Variants in PDGFRA observed in about 807,000 individuals in gnomAD.
PDGFRA encodes platelet-derived growth factor receptor alpha.
In PDGFRA, 25 loss-of-function variants were observed where a neutral mutation model predicts 121.5. The ratio of observed to expected loss-of-function variants is 0.21; its 90% CI spans 0.15 to 0.29. The LOEUF is 0.29. Ranked by LOEUF, PDGFRA falls within the 10% of genes least tolerant of loss-of-function variation. The pLI is 1.00. For synonymous variants in PDGFRA, 463 were observed against 494.8 expected (o/e 0.94, Z 0.85); for missense variants, 1,008 against 1,345.1 (o/e 0.75, Z 3.92).
intron 22 of PDGFRA, 106 bp downstream of exon 22, chr4:54,290,660 G>A: frequency 7.7e-7 from 1 of 1,296,238 alleles, no homozygotes; most frequent in Non-Finnish European, 1.1e-6. Context: ...TGGTAAATAT[G>A]TACTCAGGGA....
chr4:54,229,741 T>C (rs1239316657), intron 1 of PDGFRA: 1 of 162,618 alleles, frequency 6.1e-6, no homozygotes, highest in African/African-American at 2.4e-5. Context: ...AGGTTTCTTT[T>C]GGGAGTGGGG....
At chr4:54,242,685 G>T (rs1009194605) in intron 1 of PDGFRA, among the ~76,000 whole-genome samples, 1 of 151,724 alleles carries the variant, frequency 6.6e-6, no homozygotes, top group African/African-American at 2.4e-5. Context: ...TCTTCTCAGT[G>T]GACTGAATTA....
intron 16 of PDGFRA, among the ~76,000 whole-genome samples, chr4:54,284,542 G>A (rs1724215403): frequency 1.4e-5 from 2 of 141,876 alleles, no homozygotes; most frequent in Admixed American, 7.5e-5. Flanking sequence ...CATGGCCAGA[G>A]CAGGAGCAAG....
rs568949385 is a variant in PDGFRA at position 54,282,570 on chromosome 4, G to T, written c.2323+2088G>T. 3.9e-5 allele frequency among the ~76,000 whole-genome samples: 6 copies of T among 152,292 alleles called. No individual in the cohort carries two copies. In the East Asian group the frequency reaches 1.2e-3, roughly 29 times the overall value. On this transcript the variant is annotated intron_variant, in intron 16 of 22. Transcript: ENST00000257290. ...ACCAGTCCCCACCTCCAATACTGGA[G>T]ATTACAATTCAACATGAGATTTGGG...
intron 1 of PDGFRA, among the ~76,000 whole-genome samples, chr4:54,247,505 G>A (rs1234678276): frequency 6.6e-6 from 1 of 152,052 alleles, no homozygotes. Context: ...AAAGGCCTTT[G>A]ACAAAATTCA....
intron 1 of PDGFRA, 72 bp from the exon 2 acceptor site, chr4:54,258,685 C>A: frequency 1.1e-6 from 1 of 932,780 alleles, no homozygotes; most frequent in Non-Finnish European, 1.8e-6. Context: ...TTGTGCAAAA[C>A]ACAAAGAGAA....
intron 9 of PDGFRA, 139 bp from the exon 10 acceptor site, chr4:54,273,398 T>C (rs1723510762): frequency 2.8e-6 from 2 of 707,960 alleles, no homozygotes; most frequent in Non-Finnish European, 2.5e-6. Context: ...TTCATCTGCA[T>C]GTAAAATAAA....
At chr4:54,271,579 T>C (rs1035648611) in intron 8 of PDGFRA, among the ~76,000 whole-genome samples, 4 of 148,668 alleles carry the variant, frequency 2.7e-5, no homozygotes, top group African/African-American at 9.9e-5. Flanking sequence ...CCTTCCTTCT[T>C]CTCTCCCTCC....
At chr4:54,268,959 G>T (rs564796846) in intron 7 of PDGFRA, among the ~76,000 whole-genome samples, 1 of 152,130 alleles carries the variant, frequency 6.6e-6, no homozygotes, top group Non-Finnish European at 1.5e-5. Context: ...ATGCTTCAAC[G>T]TGGATTTTTT....
chr4:54,231,090 G>C (rs1366008044), intron 1 of PDGFRA, among the ~76,000 whole-genome samples: 1 of 152,190 alleles, frequency 6.6e-6, no homozygotes, highest in Non-Finnish European at 1.5e-5. Flanking sequence ...CAGGCTGTGC[G>C]TTGTGCATCC....
chr4:54,295,604 G>A lies in PDGFRA; in HGVS notation c.*332G>A, dbSNP rs750090756. ...GTCCAACAGACACAATTTATACTGC[G>A]ACAGAACTTCAGCATTGTAATTATG... On this transcript the variant is annotated 3_prime_UTR_variant, in exon 23 of 23. Coordinates refer to ENST00000257290, the MANE Select transcript of PDGFRA (RefSeq NM_006206.6). 3.1e-4 allele frequency: 128 copies of A among 416,002 alleles called. No individual in the cohort carries two copies. Among genetic ancestry groups the A allele is most frequent in the Middle Eastern group, 2.6e-3 (4 of 1,512 alleles). The allele number at this position is 416,002 out of a possible 1,614,324, so 25.8% of individuals were successfully genotyped here. A position where few individuals can be genotyped will look rare whatever the true frequency, so the allele number is the denominator to read the frequency against.
At chr4:54,272,926 T>A (rs1723483719) in intron 9 of PDGFRA, among the ~76,000 whole-genome samples, 1 of 152,216 alleles carries the variant, frequency 6.6e-6, no homozygotes, top group Non-Finnish European at 1.5e-5. Flanking sequence ...CCTTCTTAAA[T>A]GGGCACATGA....
At chr4:54,280,542 T>TA in intron 16 of PDGFRA, 60 bp downstream of exon 16, 7 of 1,382,832 alleles carry the variant, frequency 5.1e-6, no homozygotes, top group South Asian at 2.4e-5. Flanking sequence ...ATATGATACT[T>TA]AAAGTATTTA....
chr4:54,275,003 T>C (rs2110301144), intron 12 of PDGFRA, 30 bp downstream of exon 12: 1 of 1,612,430 alleles, frequency 6.2e-7, no homozygotes. Flanking sequence ...CTCCCAAGAC[T>C]CCCTTTTCCC....
intron 1 of PDGFRA, among the ~76,000 whole-genome samples, chr4:54,240,270 G>T (rs1721230784): frequency 6.6e-6 from 1 of 152,220 alleles, no homozygotes; most frequent in South Asian, 2.1e-4. Flanking sequence ...CAAGACACTT[G>T]GTTTTGAGAG....
chr4:54,232,260 T>A (rs918457641), intron 1 of PDGFRA, among the ~76,000 whole-genome samples: 4 of 152,200 alleles, frequency 2.6e-5, no homozygotes, highest in Non-Finnish European at 5.9e-5. Flanking sequence ...CGGTCTCGCC[T>A]GGGGCGCAAG....
chr4:54,229,549 T>C, intron 1 of PDGFRA, 134 bp downstream of exon 1: 1 of 389,782 alleles, frequency 2.6e-6, no homozygotes, highest in Non-Finnish European at 4.5e-6. Flanking sequence ...CAGTTGTGTG[T>C]CCAGAGAGTA....
At chr4:54,248,446 A>G (rs1721828430) in intron 1 of PDGFRA, among the ~76,000 whole-genome samples, 1 of 152,260 alleles carries the variant, frequency 6.6e-6, no homozygotes, top group Non-Finnish European at 1.5e-5. Flanking sequence ...GACAAACCTG[A>G]GAAAAACAAG....
At chr4:54,277,353 AGTTTTTGG>A in intron 12 of PDGFRA, 27 bp from the exon 13 acceptor site, 1 of 1,449,416 alleles carries the variant, frequency 6.9e-7, no homozygotes, top group South Asian at 1.1e-5. Context: ...AGGCGTCTGG[AGTTTTTGG>A]GTGTTAATGA....
Sources: gnomAD v4.1 joint callset for allele counts (sites outside exome capture counted in the v4.1 genomes callset) on GRCh38, gnomAD v4.1.1 for gene constraint, MANE v1.5 for transcripts, NCBI Gene and HGNC (gene_info 2026-07-23, HGNC 2026-07-21) for gene names.